CDH12: variants seen among roughly 807,000 people sequenced by gnomAD.
The protein encoded by CDH12 is cadherin 12.
CDH12 carries 41 observed loss-of-function variants against 74.1 expected under a neutral mutation model. That is an observed-to-expected ratio of 0.55 (90% confidence interval 0.43 to 0.72). The LOEUF is 0.72. Among genes scored for constraint, CDH12 ranks in the 30% least tolerant of loss-of-function variants. The probability of loss-of-function intolerance (pLI) is 0.00; values close to 1 mark genes in which losing one functional copy is unlikely to be tolerated. For synonymous variants in CDH12, 399 were observed against 355.0 expected (o/e 1.12, Z -1.39); for missense variants, 945 against 977.2 (o/e 0.97, Z 0.44).
chr5:22,221,474 C>G (rs1385158816), intron 3 of CDH12, among the ~76,000 whole-genome samples: 1 of 151,774 alleles, frequency 6.6e-6, no homozygotes, highest in South Asian at 2.1e-4. Flanking sequence ...TGAAATGTAT[C>G]CACAATATCT....
chr5:22,734,082 T>C (rs189107885), intron 1 of CDH12, among the ~76,000 whole-genome samples: 6 of 152,102 alleles, frequency 3.9e-5, no homozygotes, highest in Non-Finnish European at 7.4e-5. Context: ...AGGAAAGTTT[T>C]TAAAATACAT....
chr5:21,773,951 G>A lies in CDH12; in HGVS notation c.1394-8852C>T, dbSNP rs891039272. 3.9e-5 allele frequency among the ~76,000 whole-genome samples: 6 copies of A among 152,088 alleles called. No individual in the cohort carries two copies. The East Asian group carries it at 9.7e-4, about 25-fold the overall frequency. On this transcript the variant is annotated intron_variant, in intron 11 of 14. Transcript: ENST00000382254. ...TAAGAAGGATAACTGTACTATGTTAGGCATAATTATGACCTTATTATTGTC... is the reference window on the plus strand; with the variant it reads ...TAAGAAGGATAACTGTACTATGTTAAGCATAATTATGACCTTATTATTGTC...
chr5:22,036,959 T>G (rs1580149882), intron 5 of CDH12, among the ~76,000 whole-genome samples: 1 of 152,230 alleles, frequency 6.6e-6, no homozygotes, highest in East Asian at 1.9e-4. Context: ...TAAAAATTAA[T>G]ATTTCTTTTT....
intron 5 of CDH12, among the ~76,000 whole-genome samples, chr5:22,059,987 C>T (rs750009493): frequency 2.6e-5 from 4 of 151,894 alleles, no homozygotes; most frequent in Non-Finnish European, 5.9e-5. Flanking sequence ...TTATATTTAT[C>T]AAGAAGGTAA....
chr5:22,023,997 A>G (rs1265682567), intron 5 of CDH12, among the ~76,000 whole-genome samples: 1 of 152,106 alleles, frequency 6.6e-6, no homozygotes, highest in Non-Finnish European at 1.5e-5. Context: ...CTAACTGCAA[A>G]GTGCTGGGAG....
At chr5:21,828,997 TG>T (rs1240289793) in intron 8 of CDH12, among the ~76,000 whole-genome samples, 1 of 149,364 alleles carries the variant, frequency 6.7e-6, no homozygotes, top group Non-Finnish European at 1.5e-5. Flanking sequence ...TGCATTAACT[TG>T]AAAATCTCCC....
intron 1 of CDH12, among the ~76,000 whole-genome samples, chr5:22,594,468 C>T (rs1435255731): frequency 6.6e-6 from 1 of 152,032 alleles, no homozygotes; most frequent in Admixed American, 6.6e-5. Flanking sequence ...TAGTAGCAAA[C>T]GCCCTACACC....
intron 1 of CDH12, among the ~76,000 whole-genome samples, chr5:22,575,067 G>A (rs1739717085): frequency 1.3e-5 from 2 of 152,014 alleles, no homozygotes; most frequent in Admixed American, 1.3e-4. Context: ...GTGAAATATT[G>A]GCCAGCTCTA....
chr5:22,007,957 G>T (rs894687039), intron 5 of CDH12, among the ~76,000 whole-genome samples: 18 of 152,096 alleles, frequency 1.2e-4, no homozygotes, highest in Non-Finnish European at 2.6e-4. Context: ...CATGTTTTGA[G>T]ATTGAGAGAA....
chr5:22,088,733 A>C (rs1251487242), intron 4 of CDH12, among the ~76,000 whole-genome samples: 2 of 152,150 alleles, frequency 1.3e-5, no homozygotes, highest in Admixed American at 6.5e-5. Context: ...AATTATGAGG[A>C]AGCTGGTGGC....
At chr5:22,260,135 A>G (rs1025724472) in intron 3 of CDH12, among the ~76,000 whole-genome samples, 12 of 152,088 alleles carry the variant, frequency 7.9e-5, no homozygotes, top group African/African-American at 2.9e-4. Context: ...TCTAATAACC[A>G]GAACACAATG....
chr5:22,802,683 C>G (rs939337529), intron 1 of CDH12, among the ~76,000 whole-genome samples: 4 of 152,058 alleles, frequency 2.6e-5, no homozygotes, highest in Non-Finnish European at 4.4e-5. Flanking sequence ...GGAATACCAT[C>G]AGTTCTGGAT....
chr5:21,996,542 A>G (rs1736312381), intron 5 of CDH12, among the ~76,000 whole-genome samples: 1 of 152,180 alleles, frequency 6.6e-6, no homozygotes, highest in African/African-American at 2.4e-5. Context: ...CAAGTTAATT[A>G]CAGAAATCAG....
chr5:22,032,719 AT>A (rs1225653183), intron 5 of CDH12, among the ~76,000 whole-genome samples: 1 of 148,040 alleles, frequency 6.8e-6, no homozygotes, highest in Admixed American at 6.8e-5. Flanking sequence ...AAAAAAAAAA[AT>A]GTATATACAT....
chr5:22,022,950 T>C (rs1738084090), intron 5 of CDH12, among the ~76,000 whole-genome samples: 1 of 152,188 alleles, frequency 6.6e-6, no homozygotes, highest in Admixed American at 6.6e-5. Context: ...TGGTTTCCCT[T>C]CCTTTCATTA....
chr5:22,104,744 C>G (rs1309431800), intron 4 of CDH12, among the ~76,000 whole-genome samples: 1 of 152,134 alleles, frequency 6.6e-6, no homozygotes, highest in Non-Finnish European at 1.5e-5. Flanking sequence ...TGATCCTTAC[C>G]AGCCTAATAA....
rs147375130 is a variant in CDH12 at position 22,081,696 on chromosome 5, T to G, written c.-186-2834A>C. 7.6e-3 allele frequency among the ~76,000 whole-genome samples: 1,150 copies of G among 152,294 alleles called. 11 individuals are homozygous for G. Among genetic ancestry groups the G allele is most frequent in the African/African-American group, 0.025 (1,048 of 41,570 alleles). On this transcript the variant is annotated intron_variant, in intron 4 of 14. Transcript: ENST00000382254. ...GTGTCTTTTTATTGTATATTAGAGATTTTTGAGGTTGGACATATGACAACA... is the reference window on the plus strand; with the variant it reads ...GTGTCTTTTTATTGTATATTAGAGAGTTTTGAGGTTGGACATATGACAACA...
chr5:21,921,396 G>A (rs1286250947), intron 6 of CDH12, among the ~76,000 whole-genome samples: 1 of 152,134 alleles, frequency 6.6e-6, no homozygotes, highest in Non-Finnish European at 1.5e-5. Context: ...ATTCCTACAA[G>A]GAAGTAGATT....
intron 1 of CDH12, among the ~76,000 whole-genome samples, chr5:22,724,207 T>G (rs1199197721): frequency 6.6e-6 from 1 of 151,794 alleles, no homozygotes; most frequent in South Asian, 2.1e-4. Context: ...GTCATTAAAT[T>G]TTTTTAAAGA....
Sources: allele counts gnomAD v4.1 joint callset (sites outside exome capture counted in the v4.1 genomes callset), GRCh38; gene constraint gnomAD v4.1.1; transcripts MANE v1.5; gene names NCBI Gene and HGNC (gene_info 2026-07-23, HGNC 2026-07-21).